Variants in SLC35E4 observed in about 807,000 individuals in gnomAD.
SLC35E4 encodes the protein solute carrier family 35 member E4.
Under a neutral mutation model 19.3 loss-of-function variants are expected in SLC35E4, and 15 were observed. The observed-to-expected ratio is 0.78, with a 90% CI of 0.52 to 1.20. The LOEUF (loss-of-function observed/expected upper bound fraction) is 1.20. SLC35E4 is among the 50% of genes most tolerant of loss of function. The pLI is 0.00. For missense variants in SLC35E4, 406 were observed against 472.3 expected, an observed-to-expected ratio of 0.86 and a Z score of 1.30; for synonymous variants, 219 against 219.9, an observed-to-expected ratio of 1.00 and a Z score of 0.04.
chr22:30,664,105 G>A, downstream of SLC35E4: 1 of 1,159,470 alleles, frequency 8.6e-7, no homozygotes, highest in South Asian at 1.5e-5. Flanking sequence ...AGGATGTTTA[G>A]AGGGCAGGTG....
chr22:30,654,227 G>T (rs1399446775), intron 2 of SLC35E4: 2 of 359,374 alleles, frequency 5.6e-6, no homozygotes, highest in Non-Finnish European at 1.1e-5. Context: ...CTCCTGATCT[G>T]CCCGCCTCCG....
intron 1 of SLC35E4, among the ~76,000 whole-genome samples, chr22:30,640,297 G>C: frequency 6.6e-6 from 1 of 151,356 alleles, no homozygotes; most frequent in Non-Finnish European, 1.5e-5. Context: ...CTTGAACCCA[G>C]GAGGCAGAGG....
intron 1 of SLC35E4, among the ~76,000 whole-genome samples, chr22:30,639,815 A>G (rs999949615): frequency 6.6e-6 from 1 of 152,212 alleles, no homozygotes; most frequent in African/African-American, 2.4e-5. Flanking sequence ...ATATTGTTCA[A>G]ACACACATGC....
At chr22:30,666,693 T>TA (rs1399024566), downstream of SLC35E4, 9 of 145,728 alleles carry the variant, frequency 6.2e-5, no homozygotes, top group Non-Finnish European at 1.0e-4. Flanking sequence ...TACTGAAATG[T>TA]ACAAGACAGG....
intron 1 of SLC35E4, 55 bp downstream of exon 1, chr22:30,637,124 T>A (rs2145574359): frequency 6.6e-7 from 1 of 1,517,954 alleles, no homozygotes; most frequent in Admixed American, 2.1e-5. Context: ...GTGCATGGCC[T>A]GGATGGCCCT....
At chr22:30,654,995 C>A (rs116987256) in intron 2 of SLC35E4, among the ~76,000 whole-genome samples, 2,597 of 152,238 alleles carry the variant, frequency 0.017, 41 homozygotes, top group Non-Finnish European at 0.025. Flanking sequence ...ATAGAAAGAA[C>A]CAAGACGACC....
intron 2 of SLC35E4, chr22:30,654,551 TGCCTCGGGGTCC>T: frequency 2.3e-6 from 1 of 441,294 alleles, no homozygotes; most frequent in Non-Finnish European, 4.5e-6. Flanking sequence ...CGGGGCAGCA[TGCCTCGGGGTCC>T]GCCAGAAGAT....
exon 3 of SLC35E4, chr22:30,668,419 G>C (rs948827310): frequency 6.6e-6 from 1 of 152,290 alleles, no homozygotes; most frequent in Admixed American, 6.5e-5. Flanking sequence ...CACCCCAGGG[G>C]AGTCTGGATT....
chr22:30,636,291 C>A lies in SLC35E4; in HGVS notation c.-160C>A, dbSNP rs2074897312. The A allele has an allele frequency of 1.9e-6, 2 of 1,063,114 alleles. No individual in the cohort carries two copies. The highest frequency in any genetic ancestry group is 2.6e-6 in the Non-Finnish European group (2 of 771,602). 65.9% of individuals were successfully genotyped at this position (1,063,114 alleles called of 1,614,324 possible). A position where few individuals can be genotyped will look rare whatever the true frequency, so the allele number is the denominator to read the frequency against. On this transcript the variant is annotated 5_prime_UTR_variant, in exon 1 of 2. The change creates a new upstream start codon in the 5' untranslated region. Coordinates refer to ENST00000343605, the MANE Select transcript of SLC35E4 (RefSeq NM_001001479.4). ...AACACAGCTTAGCTTCTAGACATCG[C>A]TGGCACAGGCCTGGCACAAGTAAGC...
intron 2 of SLC35E4, among the ~76,000 whole-genome samples, chr22:30,655,341 C>T (rs1206877525): frequency 6.7e-6 from 1 of 149,226 alleles, no homozygotes; most frequent in Non-Finnish European, 1.5e-5. Flanking sequence ...CCTGTAGTCC[C>T]AGCTACTTGG....
chr22:30,649,554 C>T (rs1165107814), downstream of SLC35E4, among the ~76,000 whole-genome samples: 1 of 129,480 alleles, frequency 7.7e-6, no homozygotes, highest in East Asian at 1.9e-4. Context: ...CAGCCTCCGC[C>T]CAGGCTGCCT....
downstream of SLC35E4, among the ~76,000 whole-genome samples, chr22:30,664,640 T>A (rs1168222473): frequency 6.6e-6 from 1 of 152,232 alleles, no homozygotes; most frequent in East Asian, 1.9e-4. Flanking sequence ...GAGGCTGGTA[T>A]AAGAGTAGGG....
In SLC35E4 at chr22:30,663,271, A is replaced by T. The variant is rs182765470; in HGVS notation, c.*1220A>T. Reference sequence around the variant, plus strand: ...CACAATTAGTTTAATCTTAAAAAAAATGGATTATAAAGTTAAAAGCTACAG... The same window carrying T: ...CACAATTAGTTTAATCTTAAAAAAATTGGATTATAAAGTTAAAAGCTACAG... On this transcript the variant is annotated 3_prime_UTR_variant, in exon 3 of 3. Transcript: ENST00000406566. The T allele has an allele frequency of 5.6e-4, 397 of 706,792 alleles. 2 individuals carry two copies. The African/African-American group carries it at 6.3e-3, about 11-fold the overall frequency. 43.8% of individuals were successfully genotyped at this position (706,792 alleles called of 1,614,324 possible).
chr22:30,663,800 C>T (rs981955692), downstream of SLC35E4: 1 of 1,614,228 alleles, frequency 6.2e-7, no homozygotes, highest in Non-Finnish European at 8.5e-7. Flanking sequence ...CCACAGGTAC[C>T]TGCATGTACT....
chr22:30,649,233 G>A, downstream of SLC35E4: 1 of 717,250 alleles, frequency 1.4e-6, no homozygotes, highest in South Asian at 1.5e-5. Flanking sequence ...GCGCTGGGCA[G>A]GGCCAGGAGT....
downstream of SLC35E4, chr22:30,668,017 C>G (rs2088745850): frequency 6.4e-6 from 1 of 155,298 alleles, no homozygotes; most frequent in African/African-American, 2.4e-5. Context: ...AACCGGCCTC[C>G]TGGCGCCCAA....
At chr22:30,662,085 T>C (rs1411432989) in exon 3 of SLC35E4, 1 of 151,436 alleles carries the variant, frequency 6.6e-6, no homozygotes, top group Admixed American at 6.6e-5. Flanking sequence ...GAGTACTTTG[T>C]AACAATAAAG....
rs1272821363 is a variant in SLC35E4, at chr22:30,638,561, C to T, written c.619+1492C>T. Among the ~76,000 whole-genome samples the T allele has an allele frequency of 2.0e-5, 3 of 150,612 alleles. No individual in the cohort carries two copies. In the East Asian group the frequency reaches 5.9e-4, roughly 29 times the overall value. On this transcript the variant is annotated intron_variant, in intron 1 of 1. Coordinates refer to ENST00000343605, the MANE Select transcript of SLC35E4 (RefSeq NM_001001479.4). ...GCGCAGTGGCTCACAGCTGTAATCC[C>T]AGCACTTTGGGAGGCCGAGGCAAGT... is the stretch of plus-strand genomic sequence containing the variant.
chr22:30,666,691 T>C (rs2088685020), downstream of SLC35E4: 1 of 144,228 alleles, frequency 6.9e-6, no homozygotes, highest in Admixed American at 6.9e-5. Context: ...GATACTGAAA[T>C]GTACAAGACA....
Sources: allele counts gnomAD v4.1 joint callset (sites outside exome capture counted in the v4.1 genomes callset), GRCh38; gene constraint gnomAD v4.1.1; transcripts MANE v1.5; gene names NCBI Gene and HGNC (gene_info 2026-07-23, HGNC 2026-07-21).